The following LHFPL3 variants were observed in gnomAD, a reference collection of about 807,000 sequenced individuals.
LHFPL3 encodes the protein LHFPL tetraspan subfamily member 3.
LHFPL3 carries 5 observed loss-of-function variants against 19.3 expected under a neutral mutation model. The observed-to-expected ratio is 0.26, with a 90% CI of 0.14 to 0.54. The LOEUF is 0.54. LHFPL3 is among the 20% of genes least tolerant of loss of function. The pLI, the probability that LHFPL3 is intolerant of heterozygous loss-of-function variation, is 0.94. For synonymous variants in LHFPL3, 133 were observed against 126.2 expected, an observed-to-expected ratio of 1.05 and a Z score of -0.36; for missense variants, 249 against 307.4, an observed-to-expected ratio of 0.81 and a Z score of 1.42.
chr7:104,537,888 A>G (rs978250368), intron 1 of LHFPL3, among the ~76,000 whole-genome samples: 1 of 152,230 alleles, frequency 6.6e-6, no homozygotes, highest in Non-Finnish European at 1.5e-5. Flanking sequence ...ATTACTTTCC[A>G]TCAAGGTCCT....
intron 2 of LHFPL3, among the ~76,000 whole-genome samples, chr7:104,787,493 C>T (rs61418158): frequency 0.018 from 2,756 of 152,284 alleles, 77 homozygotes; most frequent in African/African-American, 0.062. Flanking sequence ...GGAAGGCCTG[C>T]TTCCATAGAT....
chr7:104,395,397 C>G (rs1013019341), intron 1 of LHFPL3, among the ~76,000 whole-genome samples: 3 of 152,198 alleles, frequency 2.0e-5, no homozygotes, highest in Non-Finnish European at 4.4e-5. Context: ...CATTCAGTGA[C>G]TTACCTGTGT....
intron 2 of LHFPL3, among the ~76,000 whole-genome samples, chr7:104,877,000 A>G (rs57624778): frequency 0.19 from 29,052 of 152,104 alleles, 2,957 homozygotes; most frequent in Non-Finnish European, 0.22. Context: ...GCTGGAAACC[A>G]TCATTCTCAG....
intron 1 of LHFPL3, among the ~76,000 whole-genome samples, chr7:104,339,406 A>T (rs1344482820): frequency 1.3e-5 from 2 of 152,232 alleles, no homozygotes; most frequent in African/African-American, 4.8e-5. Context: ...TACTCAAAAG[A>T]ACTTGTTCAA....
At chr7:104,421,458 G>A (rs955006885) in intron 1 of LHFPL3, among the ~76,000 whole-genome samples, 3 of 151,930 alleles carry the variant, frequency 2.0e-5, no homozygotes, top group Admixed American at 6.6e-5. Flanking sequence ...TATGAGATGC[G>A]GTAAAGAAAC....
intron 2 of LHFPL3, among the ~76,000 whole-genome samples, chr7:104,790,738 T>A (rs1350296603): frequency 1.3e-5 from 2 of 152,152 alleles, no homozygotes; most frequent in African/African-American, 4.8e-5. Flanking sequence ...TCCAACCAGT[T>A]GTCAGAAGAC....
At chr7:104,801,772 G>A (rs1474884759) in intron 2 of LHFPL3, among the ~76,000 whole-genome samples, 3 of 151,904 alleles carry the variant, frequency 2.0e-5, no homozygotes, top group Admixed American at 6.6e-5. Flanking sequence ...GGGTTTCACC[G>A]TGTTAGCTGG....
At chr7:104,387,337 C>A (rs1037553388) in intron 1 of LHFPL3, among the ~76,000 whole-genome samples, 1 of 151,964 alleles carries the variant, frequency 6.6e-6, no homozygotes, top group African/African-American at 2.4e-5. Flanking sequence ...CATTGCACTC[C>A]AGCCTGGGCA....
chr7:104,794,392 C>A (rs1790078107), intron 2 of LHFPL3, among the ~76,000 whole-genome samples: 1 of 152,162 alleles, frequency 6.6e-6, no homozygotes, highest in African/African-American at 2.4e-5. Flanking sequence ...AAGGCATGAA[C>A]TGAAAGCTAT....
At chr7:104,829,845 C>A (rs1227240787) in intron 2 of LHFPL3, among the ~76,000 whole-genome samples, 3 of 152,040 alleles carry the variant, frequency 2.0e-5, no homozygotes, top group African/African-American at 7.3e-5. Context: ...GGTATATACC[C>A]AGTAATGGGA....
chr7:104,409,334 G>C (rs56673996), intron 1 of LHFPL3, among the ~76,000 whole-genome samples: 1 of 149,666 alleles, frequency 6.7e-6, no homozygotes, highest in Non-Finnish European at 1.5e-5. Context: ...GTGTGTGTGT[G>C]TGTGTGTCTG....
chr7:104,786,887 G>A (rs1472137478), intron 2 of LHFPL3, among the ~76,000 whole-genome samples: 1 of 152,108 alleles, frequency 6.6e-6, no homozygotes, highest in Non-Finnish European at 1.5e-5. Flanking sequence ...ATAACATAGT[G>A]ATATACTTAA....
chr7:104,797,346 G>A (rs1052196360), intron 2 of LHFPL3, among the ~76,000 whole-genome samples: 1 of 152,148 alleles, frequency 6.6e-6, no homozygotes, highest in Non-Finnish European at 1.5e-5. Context: ...TGCAGTCAAT[G>A]AGTAGTGAGC....
At chr7:104,522,626 C>T (rs903166720) in intron 1 of LHFPL3, among the ~76,000 whole-genome samples, 13 of 152,166 alleles carry the variant, frequency 8.5e-5, no homozygotes, top group African/African-American at 3.1e-4. Flanking sequence ...TTCCTAGCCT[C>T]AAGAAACCTA....
intron 1 of LHFPL3, among the ~76,000 whole-genome samples, chr7:104,400,036 G>A (rs537471909): frequency 1.2e-4 from 17 of 141,312 alleles, no homozygotes; most frequent in African/African-American, 2.4e-4. Context: ...CCTGGGAGGC[G>A]GAGGTTACAG....
At chr7:104,813,706 G>A (rs1025834820) in intron 2 of LHFPL3, among the ~76,000 whole-genome samples, 24 of 152,248 alleles carry the variant, frequency 1.6e-4, no homozygotes, top group African/African-American at 4.6e-4. Context: ...CTATGAGGCT[G>A]TGGCCAGACC....
chr7:104,715,301 A>G (rs1793366605), intron 1 of LHFPL3, among the ~76,000 whole-genome samples: 1 of 152,210 alleles, frequency 6.6e-6, no homozygotes, highest in African/African-American at 2.4e-5. Context: ...AGTTCAGAGA[A>G]GCATTCATCT....
At chr7:104,788,777 C>G (rs895905925) in intron 2 of LHFPL3, among the ~76,000 whole-genome samples, 1 of 152,204 alleles carries the variant, frequency 6.6e-6, no homozygotes, top group African/African-American at 2.4e-5. Flanking sequence ...GGAGAGTTAT[C>G]TAAATCAAAC....
intron 1 of LHFPL3, among the ~76,000 whole-genome samples, chr7:104,723,780 C>A (rs1274728617): frequency 1.4e-5 from 2 of 144,358 alleles, no homozygotes; most frequent in Admixed American, 1.4e-4. Flanking sequence ...TCCAAAAAAC[C>A]TGCTTGCTGC....
Sources: allele counts gnomAD v4.1 joint callset (sites outside exome capture counted in the v4.1 genomes callset), GRCh38; gene constraint gnomAD v4.1.1; transcripts MANE v1.5; gene names NCBI Gene and HGNC (gene_info 2026-07-23, HGNC 2026-07-21).